The following CPEB2 variants were observed in gnomAD, a reference collection of about 807,000 sequenced individuals.
The protein encoded by CPEB2 is cytoplasmic polyadenylation element binding protein 2, also known as cytoplasmic polyadenylation element-binding protein 2.
A neutral mutation model predicts 93.6 loss-of-function variants in CPEB2; 56 were observed. That is an observed-to-expected ratio of 0.60 (90% confidence interval 0.48 to 0.75). The LOEUF is 0.75. Among genes scored for constraint, CPEB2 ranks in the 30% least tolerant of loss-of-function variants. The probability of loss-of-function intolerance (pLI) is 0.00; values close to 1 mark genes in which losing one functional copy is unlikely to be tolerated. For synonymous variants in CPEB2, 764 were observed against 586.3 expected (o/e 1.30, Z -4.38); for missense variants, 1,579 against 1,395.1 (o/e 1.13, Z -2.10).
At position 15,003,118 on chromosome 4, in the gene CPEB2, TCCTCCTCCG is replaced by T. The variant is rs750609126; in HGVS notation, c.454_462del (p.Ala152_Ser154del). 3.3e-6 allele frequency: 5 copies of T among 1,530,598 alleles called. No homozygotes were observed. The highest frequency in any genetic ancestry group is 2.5e-5 in the East Asian group (1 of 40,288). The allele number at this position is 1,530,598 out of a possible 1,614,324, so 94.8% of individuals were successfully genotyped here. ...CAAACCGAGTCTGCACCACCCCTCC[TCCTCCTCCG>T]CCTCCTCCTGCTGCTGCTGCCGCAC... On this transcript the variant is annotated inframe_deletion, in exon 1 of 12. Transcript: ENST00000538197.
chr4:15,057,516 T>C (rs1728826702), intron 8 of CPEB2, among the ~76,000 whole-genome samples: 1 of 152,192 alleles, frequency 6.6e-6, no homozygotes, highest in African/African-American at 2.4e-5. Context: ...GTACATTTGT[T>C]CGCATAGAAA....
At chr4:15,023,696 C>T (rs926200673) in intron 4 of CPEB2, among the ~76,000 whole-genome samples, 1 of 151,714 alleles carries the variant, frequency 6.6e-6, no homozygotes, top group African/African-American at 2.4e-5. Flanking sequence ...TCTCCTTCCT[C>T]CTCCTTGTCT....
chr4:15,003,828 G>A lies in CPEB2; in HGVS notation c.1155G>A (p.Val385=), dbSNP rs1485621398. ...PLPGFGTPWS[V]QTASPPPQPQ... is the part of the protein sequence containing the mutation. ...CCGGCTTCGGCACCCCCTGGTCGGT[G>A]CAGACCGCGTCGCCGCCACCCCAGC... The change falls in exon 1 of 12, where the codon GTG becomes GTA. Residue 385 remains valine (V), a synonymous_variant. Coordinates refer to ENST00000538197, the MANE Select transcript of CPEB2 (RefSeq NM_001177382.2). The A allele has an allele frequency of 2.1e-6, 2 of 950,300 alleles. No homozygotes were observed. The highest frequency in any genetic ancestry group is 2.7e-6 in the Non-Finnish European group (2 of 729,162). The allele number at this position is 950,300 out of a possible 1,614,324, so 58.9% of individuals were successfully genotyped here. A position where few individuals can be genotyped will look rare whatever the true frequency, so the allele number is the denominator to read the frequency against.
At position 15,003,459 on chromosome 4, in the gene CPEB2, G is replaced by C; in HGVS notation, c.786G>C (p.Pro262=). The part of the protein sequence containing the change: ...RQRPADLPPL[P]QLPPSPPAAP... Reference sequence around the variant, plus strand: ...GTCCGGCAGACCTGCCCCCGCTCCCGCAGCTCCCTCCCTCGCCGCCTGCAG... The same window carrying C: ...GTCCGGCAGACCTGCCCCCGCTCCCCCAGCTCCCTCCCTCGCCGCCTGCAG... The change falls in exon 1 of 12, where the codon CCG becomes CCC. Residue 262 remains proline (P), a synonymous_variant. Transcript: ENST00000538197. 1 of 1,375,428 alleles carries C rather than the reference G, an allele frequency of 7.3e-7. No homozygotes were observed. Among genetic ancestry groups the C allele is most frequent in the South Asian group, 1.7e-5 (1 of 58,936 alleles). The allele number at this position is 1,375,428 out of a possible 1,614,324, so 85.2% of individuals were successfully genotyped here. A position where few individuals can be genotyped will look rare whatever the true frequency, so the allele number is the denominator to read the frequency against.
chr4:15,017,232 A>T lies in CPEB2; in HGVS notation c.2079A>T (p.Glu693Asp), dbSNP rs1724269320. 9 of 1,604,564 alleles carry T rather than the reference A, an allele frequency of 5.6e-6. No individual in the cohort carries two copies. The highest frequency in any genetic ancestry group is 1.3e-5 in the African/African-American group (1 of 74,782). Residue 693 changes from glutamate (E) to aspartate (D), a missense_variant, in exon 4 of 12, where the codon GAA (glutamate) becomes GAT (aspartate). Physicochemically the swap from Glu to Asp is conservative, Grantham distance 45. Around this residue, in one of 2 missense-constraint regions of CPEB2, gnomAD observed 1,411 missense variants for 1,056.0 expected, o/e 1.34. Coordinates refer to ENST00000538197, the MANE Select transcript of CPEB2 (RefSeq NM_001177382.2). ...MYDSLNMHSL[E>D]NSLIDIMRAE... is the part of the protein sequence containing the mutation. ...ACAGTTTGAATATGCACTCTTTGGAAAATTCCCTTATCGATATTATGAGAG... is the reference window on the plus strand; with the variant it reads ...ACAGTTTGAATATGCACTCTTTGGATAATTCCCTTATCGATATTATGAGAG...
intron 8 of CPEB2, among the ~76,000 whole-genome samples, chr4:15,057,518 G>C (rs909858559): frequency 6.6e-6 from 1 of 152,096 alleles, no homozygotes; most frequent in African/African-American, 2.4e-5. Context: ...ACATTTGTTC[G>C]CATAGAAATC....
chr4:15,018,720 T>C lies in CPEB2; in HGVS notation c.2125+1442T>C, dbSNP rs566466138. On this transcript the variant is annotated intron_variant, in intron 4 of 11. Coordinates refer to ENST00000538197, the MANE Select transcript of CPEB2 (RefSeq NM_001177382.2). ...AGATAAAGTCAAGATTATTAACTGT[T>C]ACCAGTGGATAATAAAAGTTTTTCA... Among the ~76,000 whole-genome samples the C allele has an allele frequency of 8.6e-4, 130 of 150,816 alleles. 2 individuals are homozygous for C. The highest frequency in any genetic ancestry group is 2.9e-3 in the African/African-American group (122 of 41,392).
In CPEB2 at chr4:15,051,358, CT is replaced by C. The variant is rs1728203802; in HGVS notation, c.2201-1054del. ...AAGGGCTTTTCTGGCTTTTACTCTCCTTGTTTCCAACATATTTCAGCCAACC... is the reference window on the plus strand; with the variant it reads ...AAGGGCTTTTCTGGCTTTTACTCTCCTGTTTCCAACATATTTCAGCCAACC... On this transcript the variant is annotated intron_variant, in intron 6 of 11. Transcript: ENST00000538197. Among the ~76,000 whole-genome samples, 6 of 152,244 alleles carry C rather than the reference CT, an allele frequency of 3.9e-5. No individual in the cohort carries two copies. In the East Asian group the frequency reaches 1.2e-3, roughly 29 times the overall value.
At chr4:15,047,094 G>A (rs572768606) in intron 6 of CPEB2, among the ~76,000 whole-genome samples, 3 of 152,250 alleles carry the variant, frequency 2.0e-5, no homozygotes, top group East Asian at 1.9e-4. Context: ...GACTGTACAT[G>A]TATAGGCCCA....
rs1380971807 is a variant in CPEB2, at chr4:15,066,978, G to A, written c.*598G>A. The A allele has an allele frequency of 2.0e-5, 3 of 153,296 alleles. No individual in the cohort carries two copies. The allele number at this position is 153,296 out of a possible 1,614,324, so 9.5% of individuals were successfully genotyped here. A position where few individuals can be genotyped will look rare whatever the true frequency, so the allele number is the denominator to read the frequency against. On this transcript the variant is annotated 3_prime_UTR_variant, in exon 12 of 12. Transcript: ENST00000538197. ...TTTAATCACAAGCTGTATTAGCTTT[G>A]CTGCTATATAGGTGTTATGTGTAAA...
intron 10 of CPEB2, among the ~76,000 whole-genome samples, chr4:15,060,560 GC>G (rs1278613078): frequency 6.6e-5 from 10 of 152,094 alleles, no homozygotes; most frequent in South Asian, 2.1e-4. Context: ...TCAGTCATAA[GC>G]CACTGGGTGG....
At chr4:15,018,602 A>G (rs1948505) in intron 4 of CPEB2, among the ~76,000 whole-genome samples, 109,399 of 150,718 alleles carry the variant, frequency 0.73, 40,537 homozygotes, top group East Asian at 0.97. Context: ...TAGATCCACC[A>G]TTTAGAATAG....
At position 15,046,597 on chromosome 4, in the gene CPEB2, C is replaced by T. The variant is rs543386706; in HGVS notation, c.2201-5817C>T. Reference sequence around the variant, plus strand: ...TCACTGTGGCTCTAATTTGCAGTTTCCTGATGACTAAGGATGACATCTAAG... The same window carrying T: ...TCACTGTGGCTCTAATTTGCAGTTTTCTGATGACTAAGGATGACATCTAAG... On this transcript the variant is annotated intron_variant, in intron 6 of 11. Transcript: ENST00000538197. Among the ~76,000 whole-genome samples, 6 of 152,136 alleles carry T rather than the reference C, an allele frequency of 3.9e-5. No individual in the cohort carries two copies. In the East Asian group the frequency reaches 7.7e-4, roughly 20 times the overall value.
chr4:15,023,612 T>G (rs970850513), intron 4 of CPEB2, among the ~76,000 whole-genome samples: 1 of 152,010 alleles, frequency 6.6e-6, no homozygotes, highest in Admixed American at 6.5e-5. Context: ...TTTAAAAAAT[T>G]AGTTTAAAAA....
At chr4:15,063,806 T>A (rs1197020886) in intron 11 of CPEB2, 1 of 152,086 alleles carries the variant, frequency 6.6e-6, no homozygotes, top group Non-Finnish European at 1.5e-5. Flanking sequence ...GCAGATGAAT[T>A]GAGATACATG....
chr4:15,005,041 C>T (rs1195786027), intron 1 of CPEB2: 1 of 152,194 alleles, frequency 6.6e-6, no homozygotes, highest in Non-Finnish European at 1.5e-5. Flanking sequence ...CCCGATCAAC[C>T]TGCTGGCAGC....
chr4:15,008,987 C>T (rs1439773966), intron 3 of CPEB2, among the ~76,000 whole-genome samples: 1 of 152,086 alleles, frequency 6.6e-6, no homozygotes, highest in Non-Finnish European at 1.5e-5. Flanking sequence ...ATGGAGAAAC[C>T]GTTAGTCAAA....
At chr4:15,042,172 A>G (rs112805324) in intron 6 of CPEB2, among the ~76,000 whole-genome samples, 2 of 152,124 alleles carry the variant, frequency 1.3e-5, no homozygotes, top group Non-Finnish European at 2.9e-5. Context: ...TTGCCTTGTT[A>G]AACATTTTTC....
chr4:15,004,593 C>G (rs1405334696), intron 1 of CPEB2, among the ~76,000 whole-genome samples: 1 of 152,066 alleles, frequency 6.6e-6, no homozygotes, highest in African/African-American at 2.4e-5. Context: ...GGAGCCGCGG[C>G]TGGCCGGGCG....
Sources: gnomAD v4.1 joint callset for allele counts (sites outside exome capture counted in the v4.1 genomes callset) on GRCh38, gnomAD v4.1.1 for gene constraint, gnomAD v4.1.1 regional missense constraint, MANE v1.5 for transcripts, NCBI Gene and HGNC (gene_info 2026-07-23, HGNC 2026-07-21) for gene names.